The following MED13 variants were observed in gnomAD, a reference collection of about 807,000 sequenced individuals.
The protein encoded by MED13 is mediator of RNA polymerase II transcription subunit 13.
MED13 carries 23 observed loss-of-function variants against 225.2 expected under a neutral mutation model. The ratio of observed to expected loss-of-function variants is 0.10; its 90% CI spans 0.07 to 0.14. The LOEUF is 0.14. Ranked by LOEUF, MED13 falls within the 10% of genes least tolerant of loss-of-function variation. The pLI is 1.00. For missense variants in MED13, 2,197 were observed against 2,594.5 expected (o/e 0.85, Z 3.33); for synonymous variants, 942 against 889.2 (o/e 1.06, Z -1.06).
chr17:62,049,153 A>AT (rs999826155), intron 3 of MED13, among the ~76,000 whole-genome samples: 8 of 151,932 alleles, frequency 5.3e-5, no homozygotes, highest in African/African-American at 1.9e-4. Flanking sequence ...AATCCCCAAG[A>AT]TGACTACTGT....
chr17:61,962,736 C>T lies in MED13; in HGVS notation c.5064+16G>A, dbSNP rs2080012749. Reference sequence around the variant, plus strand: ...TGTTTTACATAATTTTAACTCACAACATCTATCACTCTTACCTGTACAGAA... The same window carrying T: ...TGTTTTACATAATTTTAACTCACAATATCTATCACTCTTACCTGTACAGAA... On this transcript the variant is annotated intron_variant, in intron 21 of 29. Coordinates refer to ENST00000397786, the MANE Select transcript of MED13 (RefSeq NM_005121.3). 1.9e-6 allele frequency: 3 copies of T among 1,604,056 alleles called. No homozygotes were observed. The highest frequency in any genetic ancestry group is 2.6e-6 in the Non-Finnish European group (3 of 1,171,046).
At chr17:62,035,659 G>A in intron 3 of MED13, 51 bp from the exon 4 acceptor site, 1 of 1,529,234 alleles carries the variant, frequency 6.5e-7, no homozygotes, top group Non-Finnish European at 8.8e-7. Context: ...GGCCAAAAAT[G>A]TTAACTTGCT....
intron 28 of MED13, among the ~76,000 whole-genome samples, chr17:61,950,385 GTT>G (rs537705894): frequency 2.1e-5 from 3 of 142,906 alleles, no homozygotes; most frequent in Non-Finnish European, 3.1e-5. Context: ...AAAACTAGTT[GTT>G]TTTTTTTTTT....
At chr17:61,959,673 T>TA (rs779659999) in intron 23 of MED13, among the ~76,000 whole-genome samples, 8 of 149,786 alleles carry the variant, frequency 5.3e-5, no homozygotes, top group African/African-American at 1.5e-4. Context: ...ACTTCTCACC[T>TA]AAAAAACAAG....
intron 2 of MED13, 102 bp downstream of exon 2, chr17:62,062,965 A>T: frequency 1.3e-6 from 1 of 783,178 alleles, no homozygotes; most frequent in African/African-American, 1.7e-5. Flanking sequence ...TGGCCTCCTA[A>T]GTCTCCCACA....
At chr17:62,032,192 G>A (rs996574805) in intron 5 of MED13, among the ~76,000 whole-genome samples, 1 of 151,674 alleles carries the variant, frequency 6.6e-6, no homozygotes, top group Non-Finnish European at 1.5e-5. Flanking sequence ...AAAAAAAACA[G>A]GCCAGGAGTG....
At chr17:61,957,733 T>C (rs2079960104) in intron 23 of MED13, among the ~76,000 whole-genome samples, 1 of 152,190 alleles carries the variant, frequency 6.6e-6, no homozygotes, top group African/African-American at 2.4e-5. Context: ...CCCTGTTCTA[T>C]ACTATAAGTT....
At chr17:61,972,639 A>G (rs2080120047) in intron 17 of MED13, 88 bp downstream of exon 17, 6 of 1,226,990 alleles carry the variant, frequency 4.9e-6, no homozygotes, top group Non-Finnish European at 6.8e-6. Context: ...ATATATTTAA[A>G]GAAAACTAAT....
At chr17:61,996,147 A>G (rs1398557717) in intron 9 of MED13, among the ~76,000 whole-genome samples, 1 of 152,218 alleles carries the variant, frequency 6.6e-6, no homozygotes, top group Non-Finnish European at 1.5e-5. Flanking sequence ...CTGAAATCTA[A>G]GGATAAAAGA....
chr17:62,031,754 AT>A, intron 5 of MED13, 116 bp from the exon 6 acceptor site: 1 of 535,380 alleles, frequency 1.9e-6, no homozygotes. Context: ...ATAAAAATAC[AT>A]TTTTATAAAT....
At chr17:61,964,963 A>G in intron 20 of MED13, 43 bp downstream of exon 20, 1 of 1,543,480 alleles carries the variant, frequency 6.5e-7, no homozygotes, top group South Asian at 1.2e-5. Flanking sequence ...AAGCAGCATC[A>G]TAGTTTTTAT....
At chr17:62,033,192 T>TA (rs1188877248) in intron 5 of MED13, among the ~76,000 whole-genome samples, 2 of 151,872 alleles carry the variant, frequency 1.3e-5, no homozygotes, top group Admixed American at 6.6e-5. Flanking sequence ...TAAAAAAATA[T>TA]AAAAAAATCT....
intron 17 of MED13, among the ~76,000 whole-genome samples, chr17:61,971,426 G>A (rs985450797): frequency 1.3e-5 from 2 of 151,780 alleles, no homozygotes; most frequent in Non-Finnish European, 1.5e-5. Flanking sequence ...AGCCTCTCAA[G>A]TAGCTGGGAT....
intron 16 of MED13, among the ~76,000 whole-genome samples, chr17:61,980,112 C>G (rs2080190939): frequency 6.6e-6 from 1 of 152,080 alleles, no homozygotes; most frequent in African/African-American, 2.4e-5. Flanking sequence ...TTGCTTGAAC[C>G]CGGGAGGTGG....
At chr17:62,054,083 G>A (rs1356667042) in intron 2 of MED13, among the ~76,000 whole-genome samples, 1 of 152,004 alleles carries the variant, frequency 6.6e-6, no homozygotes, top group Admixed American at 6.6e-5. Flanking sequence ...GAGGTGGGCG[G>A]ATCACCTGAG....
chr17:61,993,057 G>A (rs900421183), intron 10 of MED13, among the ~76,000 whole-genome samples: 12 of 151,650 alleles, frequency 7.9e-5, no homozygotes, highest in East Asian at 2.0e-4. Flanking sequence ...GAGCCACCAC[G>A]CCTGGCCTGT....
rs775177763 is a variant in MED13 at position 62,063,104 on chromosome 17, G to A, written c.264C>T (p.Asp88=). 1.7e-5 allele frequency: 28 copies of A among 1,613,976 alleles called. No individual in the cohort carries two copies. Among genetic ancestry groups the A allele is most frequent in the Non-Finnish European group, 2.3e-5 (27 of 1,180,006 alleles). Residue 88 remains aspartate (D), a synonymous_variant, in exon 2 of 30, where the codon GAC becomes GAT. Transcript: ENST00000397786. ...GGTGAATAAGGTCAGCAAAACTGGG[G>A]TCTTCACCCCACCAAAATATCCACA... The part of the protein sequence containing the change: ...RELWIFWWGE[D]PSFADLIHHD...
intron 9 of MED13, among the ~76,000 whole-genome samples, chr17:62,008,317 C>CA (rs766909961): frequency 0.06 from 1,961 of 32,872 alleles, 130 homozygotes; most frequent in Middle Eastern, 0.1. Context: ...GGCTCTGTCT[C>CA]AAAAAAAAAA....
chr17:61,946,809 T>C (rs1287108789), intron 29 of MED13, 108 bp downstream of exon 29: 9 of 1,125,724 alleles, frequency 8.0e-6, no homozygotes, highest in Non-Finnish European at 1.0e-5. Context: ...AGAGATCCAC[T>C]GGTACACAAC....
Sources: allele counts gnomAD v4.1 joint callset (sites outside exome capture counted in the v4.1 genomes callset), GRCh38; gene constraint gnomAD v4.1.1; transcripts MANE v1.5; gene names NCBI Gene and HGNC (gene_info 2026-07-23, HGNC 2026-07-21).